Variants in MNAT1 observed in about 807,000 individuals in gnomAD.
The protein encoded by MNAT1 is MNAT1 component of CDK activating kinase.
MNAT1 carries 43 observed loss-of-function variants against 42.0 expected under a neutral mutation model. The observed-to-expected ratio is 1.02, with a 90% CI of 0.80 to 1.32. MNAT1 has a LOEUF of 1.32. Ranked by LOEUF, MNAT1 falls within the 40% of genes most tolerant of loss-of-function variation. MNAT1 has a pLI of 0.00. For missense variants in MNAT1, 306 were observed against 350.4 expected (o/e 0.87, Z 1.01); for synonymous variants, 118 against 120.0 (o/e 0.98, Z 0.11).
chr14:60,925,933 A>G (rs1400568661), intron 7 of MNAT1, among the ~76,000 whole-genome samples: 10 of 152,236 alleles, frequency 6.6e-5, no homozygotes, highest in Admixed American at 6.5e-4. Context: ...GAGTAATGTT[A>G]TAGAACTCTG....
At chr14:60,783,103 A>G (rs1425382695) in intron 1 of MNAT1, among the ~76,000 whole-genome samples, 2 of 152,200 alleles carry the variant, frequency 1.3e-5, no homozygotes, top group Non-Finnish European at 2.9e-5. Flanking sequence ...TTTGCCATAG[A>G]GTAACATAAA....
chr14:60,938,814 C>T (rs985682169), intron 7 of MNAT1, among the ~76,000 whole-genome samples: 2 of 152,172 alleles, frequency 1.3e-5, no homozygotes, highest in Admixed American at 6.5e-5. Flanking sequence ...ATGGTACCAG[C>T]TCCTCCTTGT....
chr14:60,873,280 G>T (rs1254423354), intron 6 of MNAT1, among the ~76,000 whole-genome samples: 2 of 151,658 alleles, frequency 1.3e-5, no homozygotes, highest in East Asian at 3.9e-4. Context: ...TTGTCTTGCA[G>T]TATGTTTTTT....
chr14:60,883,096 T>TA (rs1382447461), intron 7 of MNAT1, among the ~76,000 whole-genome samples: 2 of 152,146 alleles, frequency 1.3e-5, no homozygotes, highest in African/African-American at 4.8e-5. Context: ...TGGTCCTACT[T>TA]ACCTATTTTT....
At chr14:60,963,273 C>T (rs891507689) in intron 7 of MNAT1, among the ~76,000 whole-genome samples, 1 of 152,202 alleles carries the variant, frequency 6.6e-6, no homozygotes, top group African/African-American at 2.4e-5. Flanking sequence ...AGCCACCACA[C>T]CCAGCCGGCC....
intron 4 of MNAT1, among the ~76,000 whole-genome samples, chr14:60,810,535 ATGTTTT>A (rs1210237512): frequency 3.3e-5 from 5 of 151,930 alleles, no homozygotes; most frequent in Admixed American, 6.6e-5. Flanking sequence ...TTGGTATGCT[ATGTTTT>A]TGTTTTTGTT....
intron 6 of MNAT1, among the ~76,000 whole-genome samples, chr14:60,854,770 C>A (rs1317940327): frequency 2.0e-5 from 3 of 152,184 alleles, no homozygotes; most frequent in Non-Finnish European, 4.4e-5. Context: ...AGTCAGGAGG[C>A]ACGGGGGTCA....
chr14:60,799,144 A>G (rs944133450), intron 3 of MNAT1: 1 of 626,712 alleles, frequency 1.6e-6, no homozygotes, highest in Non-Finnish European at 2.0e-6. Context: ...TTGTTATGCC[A>G]TAGCAAAAGC....
intron 6 of MNAT1, among the ~76,000 whole-genome samples, chr14:60,871,782 C>G (rs1344804647): frequency 6.6e-6 from 1 of 151,960 alleles, no homozygotes; most frequent in Non-Finnish European, 1.5e-5. Flanking sequence ...GCTACCACGC[C>G]CAGCTAATTT....
rs138773403 is a variant in MNAT1, at chr14:60,958,292, A to G, written c.810-9937A>G. 9.2e-4 allele frequency among the ~76,000 whole-genome samples: 140 copies of G among 152,302 alleles called. No homozygotes were observed. In the East Asian group the frequency reaches 0.018, roughly 20 times the overall value. On this transcript the variant is annotated intron_variant, in intron 7 of 7. Coordinates refer to ENST00000261245, the MANE Select transcript of MNAT1 (RefSeq NM_002431.4). ...CATTGGTGAAGGATAGCTTTGCTGC[A>G]TAAAGTATTTTTGGTTGGCATTTTT... is the stretch of plus-strand genomic sequence containing the variant.
intron 1 of MNAT1, among the ~76,000 whole-genome samples, chr14:60,750,951 A>G (rs1376005346): frequency 3.9e-5 from 6 of 152,198 alleles, no homozygotes; most frequent in Non-Finnish European, 5.9e-5. Context: ...CAGGCTTAGT[A>G]TGAAAGTTTG....
intron 1 of MNAT1, among the ~76,000 whole-genome samples, chr14:60,736,415 T>A (rs1426506049): frequency 6.6e-6 from 1 of 152,190 alleles, no homozygotes; most frequent in Non-Finnish European, 1.5e-5. Context: ...GTAACATAAA[T>A]GGCATTTTAA....
At chr14:60,930,663 C>T (rs1221702051) in intron 7 of MNAT1, among the ~76,000 whole-genome samples, 1 of 152,066 alleles carries the variant, frequency 6.6e-6, no homozygotes, top group African/African-American at 2.4e-5. Context: ...TAAGAGTCTC[C>T]TAGTAGCATG....
intron 6 of MNAT1, among the ~76,000 whole-genome samples, chr14:60,860,354 C>CTTTTTTT (rs11409940): frequency 5.4e-5 from 7 of 128,672 alleles, no homozygotes; most frequent in Non-Finnish European, 6.3e-5. Flanking sequence ...TTTTTCTTTT[C>CTTTTTTT]TTTTTTTTTT....
chr14:60,868,624 G>T (rs2034256195), intron 6 of MNAT1, among the ~76,000 whole-genome samples: 2 of 152,118 alleles, frequency 1.3e-5, no homozygotes, highest in Admixed American at 1.3e-4. Flanking sequence ...GAGGGCAGGG[G>T]CTTGATCTGT....
chr14:60,780,431 G>T, intron 1 of MNAT1: 1 of 1,553,834 alleles, frequency 6.4e-7, no homozygotes, highest in Non-Finnish European at 8.9e-7. Flanking sequence ...TTGTTCATTT[G>T]ATCTGCTGAT....
chr14:60,940,675 C>T (rs1235700357), intron 7 of MNAT1, among the ~76,000 whole-genome samples: 1 of 152,114 alleles, frequency 6.6e-6, no homozygotes, highest in Non-Finnish European at 1.5e-5. Context: ...CCTTGGTCCC[C>T]CAAAGTGCTG....
At chr14:60,901,621 G>A (rs189953147) in intron 7 of MNAT1, among the ~76,000 whole-genome samples, 10 of 152,268 alleles carry the variant, frequency 6.6e-5, no homozygotes, top group Admixed American at 5.9e-4. Flanking sequence ...CATGGGAGGA[G>A]GTCAGAATAT....
chr14:60,890,364 C>G (rs2034808082), intron 7 of MNAT1, among the ~76,000 whole-genome samples: 1 of 152,106 alleles, frequency 6.6e-6, no homozygotes, highest in African/African-American at 2.4e-5. Flanking sequence ...GAGATACTGG[C>G]TTTTAGTTTT....
Sources: allele counts gnomAD v4.1 joint callset (sites outside exome capture counted in the v4.1 genomes callset), GRCh38; gene constraint gnomAD v4.1.1; transcripts MANE v1.5; gene names NCBI Gene and HGNC (gene_info 2026-07-23, HGNC 2026-07-21).